Variants in GRM1 observed in about 807,000 individuals in gnomAD.
GRM1 encodes glutamate metabotropic receptor 1, also known as metabotropic glutamate receptor 1.
GRM1 carries 33 observed loss-of-function variants against 90.9 expected under a neutral mutation model. The ratio of observed to expected loss-of-function variants is 0.36; its 90% CI spans 0.28 to 0.49. The LOEUF (loss-of-function observed/expected upper bound fraction) is 0.49. GRM1 is among the 20% of genes least tolerant of loss of function. The probability of loss-of-function intolerance (pLI) is 0.99; values close to 1 mark genes in which losing one functional copy is unlikely to be tolerated. For missense variants in GRM1, 1,190 were observed against 1,534.3 expected (o/e 0.78, Z 3.75); for synonymous variants, 700 against 613.2 (o/e 1.14, Z -2.09).
intron 1 of GRM1, among the ~76,000 whole-genome samples, chr6:146,138,029 C>T (rs547567213): frequency 2.0e-5 from 3 of 152,010 alleles, no homozygotes; most frequent in Non-Finnish European, 4.4e-5. Context: ...TACTGAATTT[C>T]TTTATCAGTT....
rs574108553 is a variant in GRM1 at position 146,322,011 on chromosome 6, T to C, written c.1186+17165T>C. 4.6e-5 allele frequency among the ~76,000 whole-genome samples: 7 copies of C among 152,238 alleles called. No homozygotes were observed. In the South Asian group the frequency reaches 1.2e-3, roughly 27 times the overall value. On this transcript the variant is annotated intron_variant, in intron 3 of 7. Coordinates refer to ENST00000282753, the MANE Select transcript of GRM1 (RefSeq NM_001278064.2). Reference sequence around the variant, plus strand: ...TGGAGGAGAAGAGGCCTTTTTGCAATTTTTTCCCTCATCTTCATGGATTTA... The same window carrying C: ...TGGAGGAGAAGAGGCCTTTTTGCAACTTTTTCCCTCATCTTCATGGATTTA...
At chr6:146,309,386 G>A (rs1414332371) in intron 3 of GRM1, among the ~76,000 whole-genome samples, 4 of 150,878 alleles carry the variant, frequency 2.7e-5, no homozygotes, top group Non-Finnish European at 4.4e-5. Context: ...GTGACAGAGC[G>A]AGACTCTGTC....
At chr6:146,200,435 C>G (rs1397518892) in intron 2 of GRM1, among the ~76,000 whole-genome samples, 1 of 152,138 alleles carries the variant, frequency 6.6e-6, no homozygotes, top group Non-Finnish European at 1.5e-5. Context: ...GTGCTCACAC[C>G]AGGCGTATTC....
At chr6:146,120,727 T>G (rs1327102900) in intron 1 of GRM1, among the ~76,000 whole-genome samples, 1 of 152,370 alleles carries the variant, frequency 6.6e-6, no homozygotes, top group East Asian at 1.9e-4. Context: ...TCTATTTATA[T>G]GCTGGATTAC....
In GRM1 at chr6:146,154,459, T is replaced by A. The variant is rs562165974; in HGVS notation, c.701-4889T>A. On this transcript the variant is annotated intron_variant, in intron 1 of 7. Coordinates refer to ENST00000282753, the MANE Select transcript of GRM1 (RefSeq NM_001278064.2). The stretch of plus-strand genomic sequence containing the variant: ...GCCTGTCTTTTGAGTCGTGACATGT[T>A]TCCACAGTCTTTGGAGCTGAGGATT... Among the ~76,000 whole-genome samples the A allele has an allele frequency of 2.0e-5, 3 of 152,344 alleles. No individual in the cohort carries two copies. The South Asian group carries it at 6.2e-4, about 32-fold the overall frequency.
intron 7 of GRM1, among the ~76,000 whole-genome samples, chr6:146,425,285 T>C (rs1778155377): frequency 6.6e-6 from 1 of 152,242 alleles, no homozygotes; most frequent in South Asian, 2.1e-4. Context: ...TGAACATCTG[T>C]TCCAGAGTAT....
intron 5 of GRM1, among the ~76,000 whole-genome samples, chr6:146,363,159 C>G (rs537502567): frequency 2.0e-5 from 3 of 152,188 alleles, no homozygotes; most frequent in Admixed American, 2.0e-4. Flanking sequence ...TTAAATTGCT[C>G]ATATTAATTT....
intron 2 of GRM1, among the ~76,000 whole-genome samples, chr6:146,241,488 C>G (rs951530476): frequency 6.6e-6 from 1 of 151,960 alleles, no homozygotes; most frequent in Admixed American, 6.6e-5. Flanking sequence ...TTTAATGATA[C>G]ATGTATTTAT....
intron 1 of GRM1, among the ~76,000 whole-genome samples, chr6:146,086,933 G>T (rs1037425938): frequency 1.4e-4 from 21 of 152,006 alleles, no homozygotes; most frequent in Admixed American, 6.6e-5. Context: ...AATCTATTAT[G>T]ATGGCAATAT....
chr6:146,321,680 G>C lies in GRM1; in HGVS notation c.1186+16834G>C, dbSNP rs1456746185. Among the ~76,000 whole-genome samples, 6 of 152,088 alleles carry C rather than the reference G, an allele frequency of 3.9e-5. No individual in the cohort carries two copies. In the East Asian group the frequency reaches 7.7e-4, roughly 20 times the overall value. ...ATTGGGTGCATATTTAGGATAGTTA[G>C]CTATTCTTGTTGCATTGATCCCTTT... On this transcript the variant is annotated intron_variant, in intron 3 of 7. Transcript: ENST00000282753.
chr6:146,045,834 T>C (rs1234514294), intron 1 of GRM1, among the ~76,000 whole-genome samples: 1 of 151,744 alleles, frequency 6.6e-6, no homozygotes, highest in African/African-American at 2.4e-5. Flanking sequence ...CTTCCCTTTT[T>C]CCCTTTTTAA....
At chr6:146,105,853 C>A (rs1296631482) in intron 1 of GRM1, among the ~76,000 whole-genome samples, 1 of 152,094 alleles carries the variant, frequency 6.6e-6, no homozygotes, top group Non-Finnish European at 1.5e-5. Context: ...ATTGGGACTC[C>A]ACAGGCTTGG....
intron 3 of GRM1, among the ~76,000 whole-genome samples, chr6:146,348,055 G>A (rs926226945): frequency 6.6e-6 from 1 of 152,126 alleles, no homozygotes; most frequent in Non-Finnish European, 1.5e-5. Context: ...GTTCCATTTA[G>A]CATATTACAA....
intron 1 of GRM1, among the ~76,000 whole-genome samples, chr6:146,063,623 AT>A (rs971189399): frequency 6.6e-5 from 10 of 151,428 alleles, no homozygotes; most frequent in African/African-American, 2.2e-4. Context: ...TCACATTGTG[AT>A]TTTTTTTTCC....
At chr6:146,237,894 A>G (rs1473161320) in intron 2 of GRM1, among the ~76,000 whole-genome samples, 1 of 152,206 alleles carries the variant, frequency 6.6e-6, no homozygotes, top group Non-Finnish European at 1.5e-5. Context: ...GTAGCCAGCT[A>G]TGCTGGGTGC....
At chr6:146,362,610 C>T (rs1775526571) in intron 5 of GRM1, among the ~76,000 whole-genome samples, 1 of 129,646 alleles carries the variant, frequency 7.7e-6, no homozygotes, top group African/African-American at 3.0e-5. Flanking sequence ...ACCTGGGAGG[C>T]AGAGCTTGCA....
intron 5 of GRM1, among the ~76,000 whole-genome samples, chr6:146,375,003 C>G (rs1295766953): frequency 4.6e-5 from 7 of 151,942 alleles, no homozygotes; most frequent in Admixed American, 2.6e-4. Flanking sequence ...TAGGCACTTA[C>G]AGCTATAAAC....
At chr6:146,308,265 T>A (rs1583303922) in intron 3 of GRM1, among the ~76,000 whole-genome samples, 1 of 152,124 alleles carries the variant, frequency 6.6e-6, no homozygotes, top group East Asian at 1.9e-4. Flanking sequence ...TCACTTAACC[T>A]CAGAACCTCA....
intron 2 of GRM1, among the ~76,000 whole-genome samples, chr6:146,284,731 T>G (rs1935287749): frequency 6.6e-6 from 1 of 152,180 alleles, no homozygotes; most frequent in South Asian, 2.1e-4. Flanking sequence ...ATGCATTGCT[T>G]CTTCTTCACC....
Sources: gnomAD v4.1 joint callset for allele counts (sites outside exome capture counted in the v4.1 genomes callset) on GRCh38, gnomAD v4.1.1 for gene constraint, MANE v1.5 for transcripts, NCBI Gene and HGNC (gene_info 2026-07-23, HGNC 2026-07-21) for gene names.